DPP6: variants seen among roughly 807,000 people sequenced by gnomAD.
DPP6 encodes A-type potassium channel modulatory protein DPP6.
DPP6 carries 69 observed loss-of-function variants against 122.6 expected under a neutral mutation model. The observed-to-expected ratio is 0.56, with a 90% CI of 0.46 to 0.69. DPP6 has a LOEUF of 0.69. Ranked by LOEUF, DPP6 falls within the 30% of genes least tolerant of loss-of-function variation. The pLI, the probability that DPP6 is intolerant of heterozygous loss-of-function variation, is 0.00. For missense variants in DPP6, 928 were observed against 1,116.9 expected, an observed-to-expected ratio of 0.83 and a Z score of 2.41; for synonymous variants, 418 against 433.1, an observed-to-expected ratio of 0.97 and a Z score of 0.43.
the DPP6 span, among the ~76,000 whole-genome samples, chr7:153,769,056 T>G: frequency 6.6e-6 from 1 of 152,220 alleles, no homozygotes; most frequent in Non-Finnish European, 1.5e-5. Context: ...TAGAATTGTC[T>G]TCCTAGAAAT....
At chr7:154,114,598 T>C (rs918220732) in intron 1 of DPP6, among the ~76,000 whole-genome samples, 4 of 152,180 alleles carry the variant, frequency 2.6e-5, no homozygotes, top group African/African-American at 9.6e-5. Context: ...TCTCATGCCT[T>C]TAACCAGTGA....
intron 3 of DPP6, among the ~76,000 whole-genome samples, chr7:154,506,889 C>T (rs78702522): frequency 0.046 from 6,941 of 152,248 alleles, 186 homozygotes; most frequent in Middle Eastern, 0.075. Flanking sequence ...TGAATGCATA[C>T]ATACACATTT....
chr7:154,781,373 C>T (rs1418693226), intron 10 of DPP6, among the ~76,000 whole-genome samples: 6 of 152,170 alleles, frequency 3.9e-5, no homozygotes, highest in African/African-American at 1.4e-4. Context: ...TTCTCTGTGA[C>T]CCCCTCTCAC....
At chr7:154,794,394 G>A (rs1048297176) in intron 11 of DPP6, among the ~76,000 whole-genome samples, 192 bp downstream of exon 11, 76 of 152,228 alleles carry the variant, frequency 5.0e-4, no homozygotes, top group African/African-American at 1.7e-3. Flanking sequence ...TGCAGGCGCT[G>A]CCGCAGACCC....
chr7:153,853,764 AAT>A, the DPP6 span, among the ~76,000 whole-genome samples: 2 of 152,232 alleles, frequency 1.3e-5, no homozygotes, highest in East Asian at 3.8e-4. Flanking sequence ...ACTTTAAAAA[AAT>A]AGTTATTCTT....
intron 1 of DPP6, among the ~76,000 whole-genome samples, chr7:154,367,570 A>G (rs1054303932): frequency 2.0e-5 from 3 of 152,150 alleles, no homozygotes; most frequent in Non-Finnish European, 4.4e-5. Context: ...TGAAAAGCCA[A>G]AAGTCTGTTT....
chr7:153,844,436 C>T, the DPP6 span, among the ~76,000 whole-genome samples: 1 of 152,196 alleles, frequency 6.6e-6, no homozygotes, highest in Non-Finnish European at 1.5e-5. Context: ...AGATTTTACC[C>T]ATTGAATGGG....
At chr7:154,196,580 C>G (rs749955123) in intron 1 of DPP6, among the ~76,000 whole-genome samples, 1 of 152,204 alleles carries the variant, frequency 6.6e-6, no homozygotes, top group Non-Finnish European at 1.5e-5. Flanking sequence ...ATCCTACTTT[C>G]ATGGAGTTTT....
chr7:154,288,449 G>C (rs928853761), intron 1 of DPP6, among the ~76,000 whole-genome samples: 1 of 152,196 alleles, frequency 6.6e-6, no homozygotes, highest in Non-Finnish European at 1.5e-5. Context: ...TTCTGCTACT[G>C]ACCAGCTGTG....
intron 10 of DPP6, among the ~76,000 whole-genome samples, chr7:154,781,818 C>G (rs1294516064): frequency 6.6e-6 from 1 of 152,206 alleles, no homozygotes; most frequent in Non-Finnish European, 1.5e-5. Context: ...TTGTTCCCCT[C>G]GCCCTTTACT....
intron 1 of DPP6, among the ~76,000 whole-genome samples, chr7:154,265,985 C>T (rs1319872889): frequency 6.6e-6 from 1 of 152,190 alleles, no homozygotes; most frequent in Non-Finnish European, 1.5e-5. Flanking sequence ...GTGAGGTAAG[C>T]ATCTGGAACT....
intron 1 of DPP6, among the ~76,000 whole-genome samples, chr7:154,174,813 C>T (rs1161383853): frequency 6.6e-6 from 1 of 151,982 alleles, no homozygotes; most frequent in Non-Finnish European, 1.5e-5. Flanking sequence ...CCTCTCTCCT[C>T]TCTTCTCTTA....
chr7:154,595,461 C>T (rs1239115569), intron 5 of DPP6, among the ~76,000 whole-genome samples: 1 of 152,124 alleles, frequency 6.6e-6, no homozygotes. Flanking sequence ...GATGAAAGAC[C>T]GCCCATCCTA....
At chr7:154,233,523 A>G (rs907569037) in intron 1 of DPP6, among the ~76,000 whole-genome samples, 1 of 152,228 alleles carries the variant, frequency 6.6e-6, no homozygotes, top group African/African-American at 2.4e-5. Flanking sequence ...GGTCCAATCT[A>G]ATATGACTGG....
At chr7:153,816,330 GTTAGGAGA>G in the DPP6 span, among the ~76,000 whole-genome samples, 6 of 151,914 alleles carry the variant, frequency 3.9e-5, no homozygotes. Flanking sequence ...TATTTAGTAT[GTTAGGAGA>G]TCAAACAAAT....
chr7:154,543,993 CAAAAAAAAAAA>C (rs35853479), intron 4 of DPP6, among the ~76,000 whole-genome samples: 6 of 68,884 alleles, frequency 8.7e-5, no homozygotes, highest in African/African-American at 1.1e-4. Context: ...GACTCCATCT[CAAAAAAAAAAA>C]AAAAAAAAAG....
chr7:154,463,876 A>G (rs1447990708), intron 2 of DPP6, among the ~76,000 whole-genome samples: 1 of 152,068 alleles, frequency 6.6e-6, no homozygotes, highest in Non-Finnish European at 1.5e-5. Context: ...CCTCAAGCAG[A>G]GGGAAAGAGT....
At chr7:154,379,141 CAT>C (rs1337731743) in intron 1 of DPP6, among the ~76,000 whole-genome samples, 2 of 152,178 alleles carry the variant, frequency 1.3e-5, no homozygotes, top group Admixed American at 6.5e-5. Context: ...GTCCATAACA[CAT>C]GTGTTGATAA....
the DPP6 span, among the ~76,000 whole-genome samples, chr7:153,872,458 T>A: frequency 6.6e-6 from 1 of 152,250 alleles, no homozygotes; most frequent in African/African-American, 2.4e-5. Context: ...GTATTAAATA[T>A]GTAATTTTTA....
Sources: gnomAD v4.1 joint callset for allele counts (sites outside exome capture counted in the v4.1 genomes callset) on GRCh38, gnomAD v4.1.1 for gene constraint, MANE v1.5 for transcripts, NCBI Gene and HGNC (gene_info 2026-07-23, HGNC 2026-07-21) for gene names.